The following SCAPER variants were observed in gnomAD, a reference collection of about 807,000 sequenced individuals.
SCAPER encodes the protein S-phase cyclin A associated protein in the ER, also known as S phase cyclin A-associated protein in the endoplasmic reticulum.
Under a neutral mutation model 182.2 loss-of-function variants are expected in SCAPER, and 98 were observed. That is an observed-to-expected ratio of 0.54 (90% confidence interval 0.46 to 0.64). The LOEUF (loss-of-function observed/expected upper bound fraction) is 0.64. Ranked by LOEUF, SCAPER falls within the 30% of genes least tolerant of loss-of-function variation. SCAPER has a pLI of 0.00. For synonymous variants in SCAPER, 605 were observed against 564.6 expected (o/e 1.07, Z -1.01); for missense variants, 1,432 against 1,690.0 (o/e 0.85, Z 2.68).
rs538368603 is a variant in SCAPER at position 76,876,026 on chromosome 15, C to T, written c.6+7786G>A. Among the ~76,000 whole-genome samples, 5 of 152,314 alleles carry T rather than the reference C, an allele frequency of 3.3e-5. 1 individual carries two copies. In the South Asian group the frequency reaches 6.2e-4, roughly 19 times the overall value. On this transcript the variant is annotated intron_variant, in intron 2 of 31. Coordinates refer to ENST00000563290, the MANE Select transcript of SCAPER (RefSeq NM_020843.4). ...GAAATCGAGCGCAGCGCCAGTCGGC[C>T]GGCACTGCTGGGGGACCCAGCGCAC...
intron 20 of SCAPER, among the ~76,000 whole-genome samples, chr15:76,673,177 T>C (rs74026039): frequency 0.05 from 7,628 of 152,160 alleles, 227 homozygotes; most frequent in South Asian, 0.12. Context: ...AGAATATTAT[T>C]ATCACAAACC....
intron 23 of SCAPER, among the ~76,000 whole-genome samples, chr15:76,572,988 CA>C (rs1423088507): frequency 1.3e-5 from 2 of 150,586 alleles, no homozygotes; most frequent in African/African-American, 2.5e-5. Context: ...ATTGTATTAA[CA>C]CAATGAAGGA....
chr15:76,838,303 G>C (rs1287056170), intron 5 of SCAPER, among the ~76,000 whole-genome samples: 1 of 152,194 alleles, frequency 6.6e-6, no homozygotes, highest in Non-Finnish European at 1.5e-5. Flanking sequence ...TGCAGTAATA[G>C]AAAACCAAGT....
chr15:76,604,477 T>G lies in SCAPER; in HGVS notation c.2711+17287A>C, dbSNP rs1405262167. Reference sequence around the variant, plus strand: ...GTAAGCGGGATGCCTCCAGCTTCGTTCTTTTGCCTTAGGATTGACTTGGCG... The same window carrying G: ...GTAAGCGGGATGCCTCCAGCTTCGTGCTTTTGCCTTAGGATTGACTTGGCG... On this transcript the variant is annotated intron_variant, in intron 22 of 31. Coordinates refer to ENST00000563290, the MANE Select transcript of SCAPER (RefSeq NM_020843.4). 7.6e-4 allele frequency among the ~76,000 whole-genome samples: 92 copies of G among 120,876 alleles called. 7 individuals carry two copies. Among genetic ancestry groups the G allele is most frequent in the African/African-American group, 2.3e-3 (92 of 39,588 alleles). 79.3% of individuals were successfully genotyped at this position (120,876 alleles called of 152,430 possible). A position where few individuals can be genotyped will look rare whatever the true frequency, so the allele number is the denominator to read the frequency against.
At chr15:76,591,845 A>G (rs1447784546) in intron 22 of SCAPER, among the ~76,000 whole-genome samples, 1 of 152,174 alleles carries the variant, frequency 6.6e-6, no homozygotes, top group Non-Finnish European at 1.5e-5. Context: ...GGATTGCTTT[A>G]CCTCAGCAGT....
chr15:76,369,062 G>A (rs1219429131), intron 29 of SCAPER, among the ~76,000 whole-genome samples: 2 of 152,160 alleles, frequency 1.3e-5, no homozygotes, highest in Non-Finnish European at 2.9e-5. Flanking sequence ...AGGATGGGAC[G>A]TCACTTTTAT....
At chr15:76,684,813 T>A (rs374982283) in intron 20 of SCAPER, among the ~76,000 whole-genome samples, 41 of 151,802 alleles carry the variant, frequency 2.7e-4, no homozygotes, top group Non-Finnish European at 4.1e-4. Context: ...ACCAGATGAA[T>A]TTTCAAGGAA....
chr15:76,632,249 G>A (rs2053178559), intron 21 of SCAPER, among the ~76,000 whole-genome samples: 3 of 152,096 alleles, frequency 2.0e-5, no homozygotes, highest in Admixed American at 6.5e-5. Flanking sequence ...GAGTGCAGTG[G>A]CACAATCTCA....
At chr15:76,740,004 C>T (rs1477302335) in intron 15 of SCAPER, among the ~76,000 whole-genome samples, 1 of 152,196 alleles carries the variant, frequency 6.6e-6, no homozygotes, top group Non-Finnish European at 1.5e-5. Context: ...TCCATCTCTA[C>T]AAATTTAAAA....
intron 21 of SCAPER, among the ~76,000 whole-genome samples, chr15:76,653,689 AC>A (rs2055369138): frequency 6.6e-6 from 1 of 152,224 alleles, no homozygotes; most frequent in Non-Finnish European, 1.5e-5. Context: ...CCTACTTTTC[AC>A]CAGATACAAA....
intron 2 of SCAPER, among the ~76,000 whole-genome samples, chr15:76,869,991 C>T (rs1366004728): frequency 6.6e-6 from 1 of 152,092 alleles, no homozygotes; most frequent in African/African-American, 2.4e-5. Flanking sequence ...ATAAGCCAAA[C>T]ACAGAAAGAG....
chr15:76,782,984 G>A (rs1231069749), intron 8 of SCAPER, among the ~76,000 whole-genome samples: 2 of 152,110 alleles, frequency 1.3e-5, no homozygotes, highest in Admixed American at 6.6e-5. Flanking sequence ...AGAGAAGCAA[G>A]AGCAAACACA....
At chr15:76,812,970 C>T (rs530501343) in intron 5 of SCAPER, among the ~76,000 whole-genome samples, 2 of 149,262 alleles carry the variant, frequency 1.3e-5, no homozygotes, top group South Asian at 2.1e-4. Context: ...ATATCAAAGT[C>T]AGAAAAAGAT....
chr15:76,726,282 A>T (rs2060597439), intron 17 of SCAPER, among the ~76,000 whole-genome samples: 1 of 151,046 alleles, frequency 6.6e-6, no homozygotes, highest in Non-Finnish European at 1.5e-5. Flanking sequence ...TAAGGTCACT[A>T]ATCACTAGGG....
chr15:76,554,014 T>G (rs895225539), intron 23 of SCAPER, among the ~76,000 whole-genome samples: 8 of 152,098 alleles, frequency 5.3e-5, no homozygotes, highest in African/African-American at 1.9e-4. Context: ...GAATTCAGAA[T>G]GTAGACAGGA....
chr15:76,732,192 A>G (rs77447692), intron 16 of SCAPER, among the ~76,000 whole-genome samples: 58 of 152,294 alleles, frequency 3.8e-4, no homozygotes, highest in Middle Eastern at 3.4e-3. Context: ...AACTAGCTTT[A>G]AATCTAAAAT....
intron 23 of SCAPER, among the ~76,000 whole-genome samples, chr15:76,507,569 A>G (rs16968312): frequency 1.3e-5 from 2 of 152,120 alleles, no homozygotes; most frequent in Non-Finnish European, 1.5e-5. Context: ...AGCTCTGTCA[A>G]ACATATTTGC....
intron 29 of SCAPER, among the ~76,000 whole-genome samples, chr15:76,364,380 G>A (rs2141769775): frequency 6.6e-6 from 1 of 152,294 alleles, no homozygotes; most frequent in Non-Finnish European, 1.5e-5. Flanking sequence ...AGAAGGGAAA[G>A]AGGAAAGAAA....
intron 20 of SCAPER, among the ~76,000 whole-genome samples, chr15:76,678,456 C>G (rs918965193): frequency 6.6e-6 from 1 of 152,024 alleles, no homozygotes; most frequent in Non-Finnish European, 1.5e-5. Context: ...AGTATACCAC[C>G]GCTTTAAGCC....
Sources: allele counts gnomAD v4.1 joint callset (sites outside exome capture counted in the v4.1 genomes callset), GRCh38; gene constraint gnomAD v4.1.1; transcripts MANE v1.5; gene names NCBI Gene and HGNC (gene_info 2026-07-23, HGNC 2026-07-21).